The following MICAL2 variants were observed in gnomAD, a reference collection of about 807,000 sequenced individuals.
The protein encoded by MICAL2 is microtubule associated monooxygenase, calponin and LIM domain containing 2.
In MICAL2, 77 loss-of-function variants were observed where a neutral mutation model predicts 127.3. The ratio of observed to expected loss-of-function variants is 0.60; its 90% CI spans 0.50 to 0.73. MICAL2 has a LOEUF of 0.73. MICAL2 is among the 30% of genes least tolerant of loss of function. MICAL2 has a pLI of 0.00. For missense variants in MICAL2, 1,351 were observed against 1,434.4 expected (o/e 0.94, Z 0.94); for synonymous variants, 570 against 551.1 (o/e 1.03, Z -0.48).
chr11:12,310,244 C>A (rs1864157778), intron 29 of MICAL2, among the ~76,000 whole-genome samples: 1 of 152,066 alleles, frequency 6.6e-6, no homozygotes, highest in African/African-American at 2.4e-5. Context: ...CCAGAAAAAT[C>A]TTTGCCCAGA....
At position 12,244,048 on chromosome 11, in the gene MICAL2, C is replaced by T. The variant is rs771791026; in HGVS notation, c.2720C>T (p.Pro907Leu). 2.5e-5 allele frequency: 41 copies of T among 1,613,926 alleles called. No homozygotes were observed. Among genetic ancestry groups the T allele is most frequent in the African/African-American group, 2.7e-5 (2 of 74,928 alleles). The change falls in exon 21 of 28, where the codon CCG (proline) becomes CTG (leucine). Residue 907 changes from proline to leucine, a missense_variant. By Grantham distance (98) the Pro-to-Leu change is moderately conservative. Coordinates refer to ENST00000683283, the MANE Select transcript of MICAL2 (RefSeq NM_001282663.2). ...THPPSPPSRL[P>L]SPDPAASSSP... ...CCTCCATCTCCTCCCTCTCGCCTTC[C>T]GTCTCCTGATCCAGCTGCTTCTTCC...
intron 30 of MICAL2, among the ~76,000 whole-genome samples, chr11:12,323,533 A>G (rs959373434): frequency 6.6e-6 from 1 of 152,108 alleles, no homozygotes; most frequent in Non-Finnish European, 1.5e-5. Flanking sequence ...GCACCCCTGT[A>G]AAGTATAATT....
chr11:12,201,314 A>G (rs1853954199), intron 3 of MICAL2, among the ~76,000 whole-genome samples: 1 of 151,990 alleles, frequency 6.6e-6, no homozygotes, highest in African/African-American at 2.4e-5. Context: ...AGCTCCTGAT[A>G]TGCTTGTTTG....
At chr11:12,181,575 A>G (rs1427576318) in intron 3 of MICAL2, among the ~76,000 whole-genome samples, 2 of 152,244 alleles carry the variant, frequency 1.3e-5, no homozygotes, top group East Asian at 1.9e-4. Flanking sequence ...AATAATCTGT[A>G]AACTTGAACA....
intron 32 of MICAL2, among the ~76,000 whole-genome samples, chr11:12,333,209 T>G (rs1468441180): frequency 6.6e-6 from 1 of 152,122 alleles, no homozygotes; most frequent in African/African-American, 2.4e-5. Context: ...TAACAAACAC[T>G]TAATCCCGTT....
At chr11:12,349,318 C>T (rs1939007886) in intron 32 of MICAL2, among the ~76,000 whole-genome samples, 1 of 152,136 alleles carries the variant, frequency 6.6e-6, no homozygotes, top group Non-Finnish European at 1.5e-5. Flanking sequence ...TATTATTTGG[C>T]TTTTCTTTGT....
At chr11:12,134,391 C>T (rs1016672301) in intron 1 of MICAL2, among the ~76,000 whole-genome samples, 6 of 152,108 alleles carry the variant, frequency 3.9e-5, no homozygotes, top group Non-Finnish European at 5.9e-5. Context: ...GGCATGGCTC[C>T]GGGGCTGGGT....
chr11:12,189,051 A>G (rs1053232377), intron 3 of MICAL2, among the ~76,000 whole-genome samples: 1 of 152,200 alleles, frequency 6.6e-6, no homozygotes, highest in South Asian at 2.1e-4. Context: ...GTCTTAGAGC[A>G]CAGTATCACC....
intron 29 of MICAL2, among the ~76,000 whole-genome samples, chr11:12,302,381 G>A (rs748880045): frequency 1.2e-4 from 19 of 152,200 alleles, no homozygotes; most frequent in Non-Finnish European, 2.6e-4. Context: ...ACTCTCAGCA[G>A]GGAATGAGAG....
At chr11:12,330,861 T>C (rs113347772) in intron 32 of MICAL2, among the ~76,000 whole-genome samples, 1 of 67,062 alleles carries the variant, frequency 1.5e-5, no homozygotes, top group African/African-American at 4.5e-5. Flanking sequence ...GAGAGAGGGG[T>C]AGAGAGAGAG....
intron 2 of MICAL2, among the ~76,000 whole-genome samples, chr11:12,283,709 A>T (rs1418978823): frequency 6.6e-6 from 1 of 152,182 alleles, no homozygotes; most frequent in African/African-American, 2.4e-5. Context: ...TATAAGTAAC[A>T]ATTTTTATAT....
chr11:12,139,768 C>T (rs560705080), intron 2 of MICAL2, among the ~76,000 whole-genome samples: 43 of 152,326 alleles, frequency 2.8e-4, no homozygotes, highest in African/African-American at 8.9e-4. Context: ...AGAGGAGGGT[C>T]AGGCAATGAA....
rs546302131 is a variant in MICAL2 at position 12,352,638 on chromosome 11, C to A, written c.5616-2146C>A. On this transcript the variant is annotated intron_variant, in intron 33 of 34. Transcript: ENST00000646065. Reference sequence around the variant, plus strand: ...GCCCTGAATGAGCATGGAGAAATGTCTTATTGGTATCTTGATTCAAGGCTT... The same window carrying A: ...GCCCTGAATGAGCATGGAGAAATGTATTATTGGTATCTTGATTCAAGGCTT... 1.7e-3 allele frequency among the ~76,000 whole-genome samples: 252 copies of A among 152,302 alleles called. 1 individual carries two copies. The highest frequency in any genetic ancestry group is 0.01 in the Middle Eastern group (3 of 294).
chr11:12,287,719 G>T (rs564036679), downstream of MICAL2, among the ~76,000 whole-genome samples: 48 of 152,328 alleles, frequency 3.2e-4, no homozygotes, highest in South Asian at 8.9e-3. Context: ...CAGGGCTGTG[G>T]CAGGTGCTGA....
chr11:12,337,676 A>G (rs910134333), intron 32 of MICAL2, among the ~76,000 whole-genome samples: 3 of 151,976 alleles, frequency 2.0e-5, no homozygotes, highest in Non-Finnish European at 4.4e-5. Context: ...TTGGTTTCAA[A>G]GAACATCTTT....
intron 29 of MICAL2, among the ~76,000 whole-genome samples, chr11:12,313,094 A>G (rs980813231): frequency 6.4e-5 from 9 of 141,246 alleles, no homozygotes; most frequent in Non-Finnish European, 1.1e-4. Flanking sequence ...CGTGAACCGG[A>G]GAGGCGGAGC....
At chr11:12,334,581 C>T (rs1938713650) in intron 32 of MICAL2, among the ~76,000 whole-genome samples, 1 of 147,924 alleles carries the variant, frequency 6.8e-6, no homozygotes, top group South Asian at 2.4e-4. Flanking sequence ...AGGTATATCT[C>T]CTAATGCTAT....
At chr11:12,339,805 A>C (rs1938829727) in intron 32 of MICAL2, among the ~76,000 whole-genome samples, 1 of 152,052 alleles carries the variant, frequency 6.6e-6, no homozygotes, top group African/African-American at 2.4e-5. Context: ...GTTCCTTTGG[A>C]AGTTTTGTCT....
chr11:12,166,849 A>G (rs1855561970), intron 3 of MICAL2, among the ~76,000 whole-genome samples: 1 of 152,192 alleles, frequency 6.6e-6, no homozygotes, highest in African/African-American at 2.4e-5. Context: ...GGGGCTTGGC[A>G]GATGAGTAGG....
Sources: gnomAD v4.1 joint callset for allele counts (sites outside exome capture counted in the v4.1 genomes callset) on GRCh38, gnomAD v4.1.1 for gene constraint, MANE v1.5 for transcripts, NCBI Gene and HGNC (gene_info 2026-07-23, HGNC 2026-07-21) for gene names.